CPEB3: variants seen among roughly 807,000 people sequenced by gnomAD.
CPEB3 encodes the protein cytoplasmic polyadenylation element-binding protein 3.
CPEB3 carries 20 observed loss-of-function variants against 67.2 expected under a neutral mutation model. The ratio of observed to expected loss-of-function variants is 0.30; its 90% CI spans 0.21 to 0.43. CPEB3 has a LOEUF of 0.43. Among genes scored for constraint, CPEB3 ranks in the 20% least tolerant of loss-of-function variants. The pLI, the probability that CPEB3 is intolerant of heterozygous loss-of-function variation, is 1.00. For synonymous variants in CPEB3, 376 were observed against 393.1 expected (o/e 0.96, Z 0.51); for missense variants, 746 against 968.6 (o/e 0.77, Z 3.05).
chr10:92,269,642 C>A (rs1213694284), intron 1 of CPEB3, among the ~76,000 whole-genome samples: 1 of 152,190 alleles, frequency 6.6e-6, no homozygotes, highest in Non-Finnish European at 1.5e-5. Flanking sequence ...ACCACAACCT[C>A]TGCCTCCCAG....
chr10:92,091,674 C>A (rs1843625835), intron 8 of CPEB3, among the ~76,000 whole-genome samples, 156 bp downstream of exon 8: 1 of 152,114 alleles, frequency 6.6e-6, no homozygotes, highest in African/African-American at 2.4e-5. Flanking sequence ...TGGGAGAAAA[C>A]CTTTAATCCT....
At chr10:92,080,944 C>T (rs147658414) in intron 9 of CPEB3, among the ~76,000 whole-genome samples, 200 of 152,240 alleles carry the variant, frequency 1.3e-3, no homozygotes, top group Middle Eastern at 6.8e-3. Context: ...ATACATACTC[C>T]TGAATGTTTA....
At chr10:92,122,177 G>C (rs1845419819) in intron 6 of CPEB3, among the ~76,000 whole-genome samples, 1 of 152,080 alleles carries the variant, frequency 6.6e-6, no homozygotes, top group Non-Finnish European at 1.5e-5. Context: ...GGACACTGGG[G>C]AGAAAAAAAG....
intron 1 of CPEB3, among the ~76,000 whole-genome samples, chr10:92,283,804 G>A (rs1042669467): frequency 7.2e-6 from 1 of 137,944 alleles, no homozygotes; most frequent in Non-Finnish European, 1.5e-5. Context: ...TCGGCTCACT[G>A]CAACCTCTGC....
rs536177245 is a variant in CPEB3, at chr10:92,140,094, C to T, written c.1453+2935G>A. On this transcript the variant is annotated intron_variant, in intron 6 of 9. Transcript: ENST00000265997. ...CTCAAAAAAAAAAAAAAAAATCAAG[C>T]TACCAATGACTTTCTTCACAGAATT... is the stretch of plus-strand genomic sequence containing the variant. Among the ~76,000 whole-genome samples the T allele has an allele frequency of 1.8e-4, 27 of 150,648 alleles. No individual in the cohort carries two copies. The South Asian group carries it at 5.4e-3, about 30-fold the overall frequency.
rs145678940 is a variant in CPEB3 at position 92,064,108 on chromosome 10, C to G, written c.1870-11669G>C. 8.6e-3 allele frequency among the ~76,000 whole-genome samples: 1,310 copies of G among 152,188 alleles called. 21 individuals are homozygous for G. Among genetic ancestry groups the G allele is most frequent in the African/African-American group, 0.029 (1,222 of 41,530 alleles). On this transcript the variant is annotated intron_variant, in intron 9 of 9. Coordinates refer to ENST00000265997, the MANE Select transcript of CPEB3 (RefSeq NM_014912.5). The stretch of plus-strand genomic sequence containing the variant: ...AGAATCAGGAATATGAAGAGGCTGA[C>G]AACAGAACAAACCTAATCTAAGGAT...
At chr10:92,257,647 A>T (rs1318691202) in intron 1 of CPEB3, among the ~76,000 whole-genome samples, 2 of 152,168 alleles carry the variant, frequency 1.3e-5, no homozygotes, top group African/African-American at 4.8e-5. Context: ...ATTAGCTTCT[A>T]CATAAAAACA....
chr10:92,197,283 T>C (rs1849286949), intron 2 of CPEB3, among the ~76,000 whole-genome samples: 6 of 152,210 alleles, frequency 3.9e-5, no homozygotes. Context: ...ATACCATTCA[T>C]CCTTTTTGTT....
chr10:92,203,866 T>C (rs1183630191), intron 2 of CPEB3, among the ~76,000 whole-genome samples: 2 of 152,200 alleles, frequency 1.3e-5, no homozygotes, highest in Non-Finnish European at 2.9e-5. Context: ...AAGGTAACCC[T>C]ACTGCCAGTC....
intron 6 of CPEB3, among the ~76,000 whole-genome samples, chr10:92,134,568 T>C (rs906849874): frequency 4.6e-5 from 7 of 151,860 alleles, no homozygotes; most frequent in Non-Finnish European, 8.8e-5. Flanking sequence ...GAATCAATAT[T>C]GTGAAAATGG....
chr10:92,282,116 G>A (rs1191777315), intron 1 of CPEB3, among the ~76,000 whole-genome samples: 12 of 152,136 alleles, frequency 7.9e-5, no homozygotes, highest in Non-Finnish European at 1.2e-4. Flanking sequence ...AAGTTTCTCT[G>A]CCCTCGACCA....
In CPEB3 at chr10:92,250,858, ATTTTTTT is replaced by A. The variant is rs1211646953; in HGVS notation, c.-11-10504_-11-10498del. On this transcript the variant is annotated intron_variant, in intron 1 of 9. Coordinates refer to ENST00000265997, the MANE Select transcript of CPEB3 (RefSeq NM_014912.5). Reference sequence around the variant, plus strand: ...GCGCCTGCCACCACACACACAGTTAATTTTTTTTTTTTTTTTTTTTTTTTTGTATCTT... The same window carrying A: ...GCGCCTGCCACCACACACACAGTTAATTTTTTTTTTTTTTTTTTGTATCTT... 2.5e-3 allele frequency among the ~76,000 whole-genome samples: 258 copies of A among 104,112 alleles called. 2 individuals are homozygous for A. The highest frequency in any genetic ancestry group is 9.0e-3 in the Admixed American group (82 of 9,118). The allele number at this position is 104,112 out of a possible 152,430, so 68.3% of individuals were successfully genotyped here.
At chr10:92,154,967 C>T (rs1847134745) in intron 4 of CPEB3, among the ~76,000 whole-genome samples, 2 of 152,186 alleles carry the variant, frequency 1.3e-5, no homozygotes, top group Admixed American at 6.5e-5. Context: ...GTAATCCCAG[C>T]ACGTTGGGAG....
intron 1 of CPEB3, among the ~76,000 whole-genome samples, chr10:92,240,725 C>A (rs1851808035): frequency 6.6e-6 from 1 of 152,108 alleles, no homozygotes; most frequent in African/African-American, 2.4e-5. Context: ...GATTCTGGTT[C>A]CTGTTTTTTC....
intron 1 of CPEB3, among the ~76,000 whole-genome samples, chr10:92,252,040 C>CTA (rs1322914852): frequency 6.6e-6 from 1 of 151,398 alleles, no homozygotes; most frequent in East Asian, 1.9e-4. Flanking sequence ...TGCTCTCTCT[C>CTA]TCTATATATA....
chr10:92,119,026 C>G (rs1590180080), intron 6 of CPEB3: 2 of 1,555,802 alleles, frequency 1.3e-6, no homozygotes, highest in Non-Finnish European at 1.8e-6. Context: ...TCTTCCCTCT[C>G]ATGTATCATA....
intron 1 of CPEB3, among the ~76,000 whole-genome samples, chr10:92,252,434 G>T (rs1472094577): frequency 6.6e-6 from 1 of 152,044 alleles, no homozygotes; most frequent in African/African-American, 2.4e-5. Context: ...CAGCAATTTA[G>T]CCTCTAGCTA....
chr10:92,092,742 T>A (rs1480154638), intron 7 of CPEB3, among the ~76,000 whole-genome samples: 1 of 151,488 alleles, frequency 6.6e-6, no homozygotes, highest in Non-Finnish European at 1.5e-5. Flanking sequence ...ATCACGCCAC[T>A]GCACTGCAGC....
chr10:92,063,231 C>T (rs1434144959), intron 9 of CPEB3, among the ~76,000 whole-genome samples: 1 of 152,176 alleles, frequency 6.6e-6, no homozygotes, highest in African/African-American at 2.4e-5. Flanking sequence ...AACTGACCTC[C>T]TGAAGTAAAT....
Sources: gnomAD v4.1 joint callset for allele counts (sites outside exome capture counted in the v4.1 genomes callset) on GRCh38, gnomAD v4.1.1 for gene constraint, MANE v1.5 for transcripts, NCBI Gene and HGNC (gene_info 2026-07-23, HGNC 2026-07-21) for gene names.